Variants in SLC25A25 observed in about 807,000 individuals in gnomAD.
The protein encoded by SLC25A25 is mitochondrial adenyl nucleotide antiporter SLC25A25.
A neutral mutation model predicts 57.7 loss-of-function variants in SLC25A25; 32 were observed. That is an observed-to-expected ratio of 0.55 (90% CI 0.42 to 0.74). The LOEUF (loss-of-function observed/expected upper bound fraction) is 0.74, where lower values mean the gene tolerates loss of function less well. Among genes scored for constraint, SLC25A25 ranks in the 30% least tolerant of loss-of-function variants. SLC25A25 has a pLI of 0.00. For synonymous variants in SLC25A25, 306 were observed against 291.2 expected (o/e 1.05, Z -0.52); for missense variants, 556 against 701.3 (o/e 0.79, Z 2.34).
chr9:128,076,305 AT>A lies in SLC25A25; in HGVS notation c.261+7731del, dbSNP rs369950548. 1.4e-3 allele frequency among the ~76,000 whole-genome samples: 202 copies of A among 148,962 alleles called. 7 individuals are homozygous for A. In the East Asian group the frequency reaches 0.034, roughly 25 times the overall value. ...ACCACCATGCCCAGCTAATTTTTGT[AT>A]TTTTTGTAGAGACGGGGTTTTCCTA... On this transcript the variant is annotated intron_variant, in intron 1 of 10. Coordinates refer to ENST00000373069, the MANE Select transcript of SLC25A25 (RefSeq NM_001330988.2).
rs1274526440 is a variant in SLC25A25, at chr9:128,103,482, A to C, written c.625-199A>C. 6.6e-6 allele frequency among the ~76,000 whole-genome samples: 1 copy of C among 152,180 alleles called. No individual in the cohort carries two copies. Among genetic ancestry groups the C allele is most frequent in the African/African-American group, 2.4e-5 (1 of 41,436 alleles). On this transcript the variant is annotated intron_variant, in intron 5 of 10. Transcript: ENST00000373069. The surrounding 1 kb of genome is among the most constrained non-coding windows in gnomAD (Gnocchi z 6.7). ...TGAGGTTCTATACCTGTGCCTCTCC[A>C]GGACCCCAGCAGGGGTGAGAGCTCT...
At chr9:128,075,507 AC>A (rs34054513) in intron 1 of SLC25A25, among the ~76,000 whole-genome samples, 36,196 of 151,590 alleles carry the variant, frequency 0.24, 5,537 homozygotes, top group African/African-American at 0.43. Flanking sequence ...ACATAGCGAG[AC>A]CCCCATCTCT....
At chr9:128,080,481 CTT>C (rs11445322) in intron 1 of SLC25A25, among the ~76,000 whole-genome samples, 1 of 141,828 alleles carries the variant, frequency 7.1e-6, no homozygotes. Context: ...CCTTGTTGGG[CTT>C]TTTTTTTTTT....
At position 128,102,397 on chromosome 9, in the gene SLC25A25, T is replaced by A. The variant is rs7859709; in HGVS notation, c.540T>A (p.Ile180=). ...TYMDKNGTMT[I]DWNEWRDYHL... ...TGGATAAAAACGGCACGATGACCAT[T>A]GACTGGAACGAGTGGAGAGACTACC... The change falls in exon 5 of 11, where the codon ATT becomes ATA. Residue 180 remains isoleucine, a synonymous_variant. Coordinates refer to ENST00000373069, the MANE Select transcript of SLC25A25 (RefSeq NM_001330988.2). The surrounding 1 kb of genome is among the most constrained non-coding windows in gnomAD (Gnocchi z 4.1). The A allele has an allele frequency of 6.2e-7, 1 of 1,613,808 alleles. No individual in the cohort carries two copies. The highest frequency in any genetic ancestry group is 1.3e-5 in the African/African-American group (1 of 74,806).
intron 1 of SLC25A25, among the ~76,000 whole-genome samples, chr9:128,088,495 CTTGAACA>C (rs990455307): frequency 2.6e-5 from 4 of 152,218 alleles, no homozygotes; most frequent in Non-Finnish European, 5.9e-5. Context: ...AGCCCCATCT[CTTGAACA>C]TCAGGAGGCT....
In SLC25A25 at chr9:128,083,513, C is replaced by CTTTTTT. The variant is rs1315501906; in HGVS notation, c.261+14942_261+14947dup. 6.6e-4 allele frequency among the ~76,000 whole-genome samples: 78 copies of CTTTTTT among 117,472 alleles called. 1 individual carries two copies. The highest frequency in any genetic ancestry group is 1.2e-3 in the East Asian group (5 of 4,052). 77.1% of individuals were successfully genotyped at this position (117,472 alleles called of 152,430 possible). On this transcript the variant is annotated intron_variant, in intron 1 of 10. Coordinates refer to ENST00000373069, the MANE Select transcript of SLC25A25 (RefSeq NM_001330988.2). ...AATATTTCTTTTTTTTTTCTTTTTT[C>CTTTTTT]TTTTTTTTTTTTTTGAGATGAAGTC...
chr9:128,082,913 C>T (rs1833185269), intron 1 of SLC25A25, among the ~76,000 whole-genome samples: 1 of 152,044 alleles, frequency 6.6e-6, no homozygotes, highest in Admixed American at 6.5e-5. Context: ...ACACCACGCC[C>T]GGCCTGTACA....
chr9:128,094,552 G>A (rs1487478833), intron 1 of SLC25A25: 1 of 152,234 alleles, frequency 6.6e-6, no homozygotes, highest in African/African-American at 2.4e-5. Flanking sequence ...AGGTTTGAGA[G>A]CCTTAAGGGT....
intron 1 of SLC25A25, chr9:128,091,462 G>C: frequency 1.0e-6 from 1 of 986,444 alleles, no homozygotes; most frequent in Non-Finnish European, 1.2e-6. Flanking sequence ...CTTGGGTGAT[G>C]AGCGAGGACA....
In SLC25A25 at chr9:128,091,561, T is replaced by TTA. The variant is rs367933740; in HGVS notation, c.262-9535_262-9534insTA. 5.3e-4 allele frequency: 504 copies of TTA among 958,762 alleles called. No individual in the cohort carries two copies. In the African/African-American group the frequency reaches 8.0e-3, roughly 15 times the overall value. The allele number at this position is 958,762 out of a possible 1,614,324, so 59.4% of individuals were successfully genotyped here. ...TTTTCCTTTTCTTTTTTTTTTTTTT[T>TTA]AAAAAAAAGCCAAACGTTTGCTCAC... is the stretch of plus-strand genomic sequence containing the variant. On this transcript the variant is annotated intron_variant, in intron 1 of 10. Coordinates refer to ENST00000373069, the MANE Select transcript of SLC25A25 (RefSeq NM_001330988.2).
chr9:128,078,088 C>G (rs1833058508), intron 1 of SLC25A25, among the ~76,000 whole-genome samples: 1 of 151,538 alleles, frequency 6.6e-6, no homozygotes, highest in South Asian at 2.1e-4. Flanking sequence ...CCTTCTGCTG[C>G]TTGCTAGCTG....
intron 1 of SLC25A25, chr9:128,098,877 C>A: frequency 1.4e-6 from 2 of 1,476,218 alleles, no homozygotes; most frequent in Non-Finnish European, 1.8e-6. Context: ...ATGGCCGGCA[C>A]GTGTACGTCA....
chr9:128,074,249 C>T (rs1362015024), intron 1 of SLC25A25, among the ~76,000 whole-genome samples: 2 of 151,348 alleles, frequency 1.3e-5, no homozygotes, highest in African/African-American at 4.9e-5. Context: ...ACCATGTTGG[C>T]CAGACTGGTC....
At chr9:128,077,581 A>G (rs1204158218) in intron 1 of SLC25A25, among the ~76,000 whole-genome samples, 1 of 151,754 alleles carries the variant, frequency 6.6e-6, no homozygotes, top group Non-Finnish European at 1.5e-5. Flanking sequence ...AAAGTCCAGA[A>G]TGGAGAAGTC....
At chr9:128,081,688 G>A (rs1833159013) in intron 1 of SLC25A25, among the ~76,000 whole-genome samples, 1 of 152,128 alleles carries the variant, frequency 6.6e-6, no homozygotes, top group Non-Finnish European at 1.5e-5. Context: ...CAGCACTTTG[G>A]GAGGCTGAGG....
intron 1 of SLC25A25, among the ~76,000 whole-genome samples, chr9:128,079,409 CAA>C (rs375501116): frequency 2.0e-3 from 119 of 59,770 alleles, no homozygotes; most frequent in African/African-American, 7.2e-3. Context: ...CTGCTGATGC[CAA>C]AAAAAAAAAA....
At position 128,099,519 on chromosome 9, in the gene SLC25A25, C is replaced by T; in HGVS notation, c.262-1577C>T. ...TTCGCCTCCTGCCTAAATGGCTTGT[C>T]CACTCTATTTCCATTCCTGTTAGAG... On this transcript the variant is annotated intron_variant, in intron 1 of 10. Transcript: ENST00000373069. The surrounding 1 kb of genome is among the most constrained non-coding windows in gnomAD (Gnocchi z 6.8). 1 of 609,348 alleles carries T rather than the reference C, an allele frequency of 1.6e-6. No individual in the cohort carries two copies. Among genetic ancestry groups the T allele is most frequent in the Non-Finnish European group, 2.3e-6 (1 of 440,976 alleles). 37.7% of individuals were successfully genotyped at this position (609,348 alleles called of 1,614,324 possible).
chr9:128,105,906 G>A (rs1588795070), intron 7 of SLC25A25, 25 bp downstream of exon 7: 2 of 1,608,342 alleles, frequency 1.2e-6, no homozygotes, highest in South Asian at 1.1e-5. Context: ...CCTCAGGAGG[G>A]TCACCGGCCA....
chr9:128,098,613 C>G, intron 1 of SLC25A25: 1 of 1,614,114 alleles, frequency 6.2e-7, no homozygotes, highest in Non-Finnish European at 8.5e-7. Flanking sequence ...GAAGCCCAGA[C>G]CGAGTTCCAG....
Sources: allele counts gnomAD v4.1 joint callset (sites outside exome capture counted in the v4.1 genomes callset), GRCh38; gene constraint gnomAD v4.1.1; non-coding constraint Gnocchi (gnomAD v3.1); transcripts MANE v1.5; gene names NCBI Gene and HGNC (gene_info 2026-07-23, HGNC 2026-07-21).